Variants in KLHL25 observed in about 807,000 individuals in gnomAD.
KLHL25 encodes the protein kelch like family member 25.
Under a neutral mutation model 30.0 loss-of-function variants are expected in KLHL25, and 41 were observed. The ratio of observed to expected loss-of-function variants is 1.37; its 90% confidence interval spans 1.07 to 1.78. The LOEUF is 1.78. Among genes scored for constraint, KLHL25 ranks in the 40% most tolerant of loss-of-function variants. The pLI, the probability that KLHL25 is intolerant of heterozygous loss-of-function variation, is 0.00. For missense variants in KLHL25, 971 were observed against 824.5 expected (o/e 1.18, Z -2.18); for synonymous variants, 399 against 355.3 (o/e 1.12, Z -1.38).
intron 1 of KLHL25, chr15:85,771,291 T>A (rs987912845): frequency 7.9e-5 from 12 of 151,992 alleles, no homozygotes; most frequent in Admixed American, 5.2e-4. Flanking sequence ...TGTGCTGCTG[T>A]CTTCCTGCTG....
In KLHL25 at chr15:85,769,231, G is replaced by A. The variant is rs1567238841; in HGVS notation, c.580C>T (p.Leu194=). 2 of 1,613,844 alleles carry A rather than the reference G, an allele frequency of 1.2e-6. No homozygotes were observed. The highest frequency in any genetic ancestry group is 1.7e-6 in the Non-Finnish European group (2 of 1,180,036). ...DFNSLSKDTL[L]DLISSDELET... is the part of the protein sequence containing the mutation. ...AGCTCATCACTCGAGATGAGGTCCAGCAGTGTGTCCTTGGACAGGCTGTTG... is the reference window on the plus strand; with the variant it reads ...AGCTCATCACTCGAGATGAGGTCCAACAGTGTGTCCTTGGACAGGCTGTTG... Residue 194 remains leucine (L), a synonymous_variant, in exon 2 of 3, where the codon CTG becomes TTG. Transcript: ENST00000337975.
In KLHL25 at chr15:85,768,901, T is replaced by C; in HGVS notation, c.910A>G (p.Thr304Ala). 6.2e-7 allele frequency: 1 copy of C among 1,613,326 alleles called. No homozygotes were observed. Residue 304 changes from threonine to alanine, a missense_variant, in exon 2 of 3, where the codon ACC becomes GCC. Transcript: ENST00000337975. ...TGGTAGATCTTGTCACACATGAAGG[T>C]CTGGCCCCCCAGGATGAGTAGCGTG... ...GHTLLILGGQ[T>A]FMCDKIYQVD... is the part of the protein sequence containing the mutation.
Position 85,786,180 on chromosome 15 carries a change from T to C in KLHL25, c.-11+8586A>G, listed in dbSNP as rs184565826. On this transcript the variant is annotated intron_variant, in intron 1 of 2. Transcript: ENST00000337975. ...CTACCAAAGCCCTTTGAGGGTCCCATTGTCCCCTTGGTTACCCTCTCCCTT... is the reference window on the plus strand; with the variant it reads ...CTACCAAAGCCCTTTGAGGGTCCCACTGTCCCCTTGGTTACCCTCTCCCTT... Among the ~76,000 whole-genome samples the C allele has an allele frequency of 3.3e-3, 503 of 152,296 alleles. 4 individuals are homozygous for C. The highest frequency in any genetic ancestry group is 2.3e-3 in the Non-Finnish European group (154 of 68,018).
intron 1 of KLHL25, among the ~76,000 whole-genome samples, chr15:85,780,332 C>G (rs975058585): frequency 6.6e-6 from 1 of 152,186 alleles, no homozygotes. Flanking sequence ...CAGAGCAAGC[C>G]AGAGACAGAA....
intron 1 of KLHL25, among the ~76,000 whole-genome samples, chr15:85,777,669 G>A (rs1010643319): frequency 1.3e-5 from 2 of 152,236 alleles, no homozygotes; most frequent in African/African-American, 4.8e-5. Flanking sequence ...TCACCAGGGA[G>A]TGGGAGCTGT....
In KLHL25 at chr15:85,769,057, T is replaced by A. The variant is rs140172232; in HGVS notation, c.754A>T (p.Ser252Cys). The change falls in exon 2 of 3, where the codon AGC becomes TGC. Residue 252 changes from serine to cysteine, a missense_variant. Coordinates refer to ENST00000337975, the MANE Select transcript of KLHL25 (RefSeq NM_022480.4). ...PSDCLQEAVS[S>C]EALLMADERT... ...TCGTCTGCCATGAGGAGGGCCTCGC[T>A]GGAGACGGCCTCCTGCAGGCAGTCG... 1.8e-4 allele frequency: 296 copies of A among 1,607,132 alleles called. No homozygotes were observed. In the African/African-American group the frequency reaches 3.6e-3, roughly 20 times the overall value.
chr15:85,793,156 G>T (rs2089828566), intron 1 of KLHL25, among the ~76,000 whole-genome samples: 1 of 150,114 alleles, frequency 6.7e-6, no homozygotes, highest in African/African-American at 2.5e-5. Context: ...TGCCCACACG[G>T]GGTGCCCGCA....
chr15:85,770,804 G>A (rs899372441), intron 1 of KLHL25, among the ~76,000 whole-genome samples: 3 of 152,164 alleles, frequency 2.0e-5, no homozygotes, highest in African/African-American at 4.8e-5. Flanking sequence ...TCTCCACCAG[G>A]CCTGGGGACC....
At position 85,768,211 on chromosome 15, in the gene KLHL25, G is replaced by A. The variant is rs1042048939; in HGVS notation, c.1600C>T (p.Leu534=). 7.4e-6 allele frequency: 12 copies of A among 1,614,206 alleles called. No homozygotes were observed. Among genetic ancestry groups the A allele is most frequent in the Non-Finnish European group, 9.3e-6 (11 of 1,180,038 alleles). Residue 534 remains leucine, a synonymous_variant, in exon 2 of 3, where the codon CTG becomes TTG. Transcript: ENST00000337975. ...MTAKRMSCHA[L]ASGNKLYVVG... is the part of the protein sequence containing the mutation. ...ACATAGAGCTTGTTGCCGGAAGCCA[G>A]GGCATGGCAGGACATGCGCTTGGCA...
intron 1 of KLHL25, among the ~76,000 whole-genome samples, chr15:85,775,422 G>A (rs11631009): frequency 0.15 from 22,427 of 152,118 alleles, 2,219 homozygotes; most frequent in Middle Eastern, 0.3. Flanking sequence ...AGGAGCTGAC[G>A]CTGACAGAAA....
intron 1 of KLHL25, among the ~76,000 whole-genome samples, chr15:85,788,230 G>C (rs868343424): frequency 1.3e-5 from 2 of 152,150 alleles, no homozygotes; most frequent in Non-Finnish European, 2.9e-5. Flanking sequence ...CGCAGCCCAC[G>C]CAGGCCCAGC....
At chr15:85,794,244 C>G (rs2089836379) in intron 1 of KLHL25, among the ~76,000 whole-genome samples, 1 of 152,176 alleles carries the variant, frequency 6.6e-6, no homozygotes, top group Non-Finnish European at 1.5e-5. Flanking sequence ...CCCTGGCAGG[C>G]GGAACGTGAA....
intron 1 of KLHL25, among the ~76,000 whole-genome samples, chr15:85,779,732 G>A (rs1222713328): frequency 1.3e-5 from 2 of 152,198 alleles, no homozygotes; most frequent in Non-Finnish European, 2.9e-5. Flanking sequence ...GGCCTGCCAA[G>A]TGCAGGCACT....
chr15:85,768,854 C>G lies in KLHL25; in HGVS notation c.957G>C (p.Glu319Asp), dbSNP rs777505365. Residue 319 changes from glutamate (E) to aspartate (D), a missense_variant, in exon 2 of 3, where the codon GAG becomes GAC. Physicochemically the swap from Glu to Asp is conservative, Grantham distance 45. Transcript: ENST00000337975. Reference protein sequence around the residue: ...KIYQVDHKAKEIIPKADLPSP... With the variant: ...KIYQVDHKAKDIIPKADLPSP... ...TGGGCAGGTCGGCCTTGGGGATGAT[C>G]TCCTTGGCCTTGTGGTCCACCTGGT... 2 of 1,613,252 alleles carry G rather than the reference C, an allele frequency of 1.2e-6. No individual in the cohort carries two copies. Among genetic ancestry groups the G allele is most frequent in the Non-Finnish European group, 1.7e-6 (2 of 1,180,052 alleles).
At chr15:85,769,861 T>C in intron 1 of KLHL25, 41 bp from the exon 2 acceptor site, 1 of 1,487,586 alleles carries the variant, frequency 6.7e-7, no homozygotes, top group Non-Finnish European at 9.1e-7. Flanking sequence ...GAGCCCCTCC[T>C]GCCCATCTGC....
intron 1 of KLHL25, among the ~76,000 whole-genome samples, chr15:85,787,373 G>A (rs1309450355): frequency 6.6e-6 from 1 of 152,090 alleles, no homozygotes; most frequent in Admixed American, 6.5e-5. Context: ...TTGAACCTGG[G>A]AGGCAGAGGT....
intron 1 of KLHL25, among the ~76,000 whole-genome samples, chr15:85,778,579 C>A (rs2089725089): frequency 6.6e-6 from 1 of 152,180 alleles, no homozygotes. Context: ...CAAAGCTACG[C>A]AAGGAGTGGG....
In KLHL25 at chr15:85,768,292, A is replaced by G. The variant is rs2089638261; in HGVS notation, c.1519T>C (p.Ser507Pro). The G allele has an allele frequency of 1.9e-6, 3 of 1,614,028 alleles. No individual in the cohort carries two copies. The highest frequency in any genetic ancestry group is 4.5e-5 in the East Asian group (2 of 44,866). Residue 507 changes from serine to proline, a missense_variant, in exon 2 of 3, where the codon TCG (serine) becomes CCG (proline). Transcript: ENST00000337975. ...MGGDTEFTAA[S>P]AYRFDCETNQ... Reference sequence around the variant, plus strand: ...GTCTCACAGTCAAAGCGGTAGGCCGAGGCGGCTGTGAATTCCGTGTCACCT... The same window carrying G: ...GTCTCACAGTCAAAGCGGTAGGCCGGGGCGGCTGTGAATTCCGTGTCACCT...
At position 85,769,749 on chromosome 15, in the gene KLHL25, G is replaced by A; in HGVS notation, c.62C>T (p.Thr21Ile). Residue 21 changes from threonine to isoleucine, a missense_variant, in exon 2 of 3, where the codon ACC becomes ATC. Thr to Ile is a moderately conservative substitution (Grantham distance 89). Transcript: ENST00000337975. ...SRSSTGSMNV[T>I]LFHKASHPDC... is the part of the protein sequence containing the mutation. ...CGGGTGGGAGGCCTTGTGGAAGAGGGTGACGTTCATGGACCCCGTGCTGCT... is the reference window on the plus strand; with the variant it reads ...CGGGTGGGAGGCCTTGTGGAAGAGGATGACGTTCATGGACCCCGTGCTGCT... The A allele has an allele frequency of 6.2e-7, 1 of 1,613,636 alleles. No individual in the cohort carries two copies. The highest frequency in any genetic ancestry group is 8.5e-7 in the Non-Finnish European group (1 of 1,180,030).
Sources: allele counts gnomAD v4.1 joint callset (sites outside exome capture counted in the v4.1 genomes callset), GRCh38; gene constraint gnomAD v4.1.1; transcripts MANE v1.5; gene names NCBI Gene and HGNC (gene_info 2026-07-23, HGNC 2026-07-21).